GRIN3A: variants seen among roughly 807,000 people sequenced by gnomAD.
GRIN3A encodes glutamate receptor ionotropic, NMDA 3A.
GRIN3A carries 47 observed loss-of-function variants against 92.4 expected under a neutral mutation model. The observed-to-expected ratio is 0.51, with a 90% CI of 0.40 to 0.65. The LOEUF is 0.65. GRIN3A is among the 30% of genes least tolerant of loss of function. GRIN3A has a pLI of 0.00. For synonymous variants in GRIN3A, 527 were observed against 540.6 expected, an observed-to-expected ratio of 0.97 and a Z score of 0.35; for missense variants, 1,324 against 1,393.1, an observed-to-expected ratio of 0.95 and a Z score of 0.79.
chr9:101,629,751 C>G (rs940939576), intron 3 of GRIN3A, among the ~76,000 whole-genome samples: 1 of 152,150 alleles, frequency 6.6e-6, no homozygotes, highest in Non-Finnish European at 1.5e-5. Context: ...GTGCTGAATC[C>G]TCATAATAGC....
intron 1 of GRIN3A, among the ~76,000 whole-genome samples, chr9:101,708,278 G>T (rs987461938): frequency 5.9e-5 from 9 of 152,138 alleles, no homozygotes; most frequent in Non-Finnish European, 1.5e-5. Flanking sequence ...TGATTCTCAG[G>T]AATTTAACAT....
chr9:101,643,680 C>T (rs1435993485), intron 3 of GRIN3A, among the ~76,000 whole-genome samples: 1 of 151,378 alleles, frequency 6.6e-6, no homozygotes, highest in Non-Finnish European at 1.5e-5. Flanking sequence ...CTCTCTCTCT[C>T]TCTCACACAC....
chr9:101,622,995 A>AACACACACACACACACACACAC (rs5899450), intron 5 of GRIN3A, among the ~76,000 whole-genome samples: 113 of 147,534 alleles, frequency 7.7e-4, no homozygotes, highest in African/African-American at 2.7e-3. Flanking sequence ...CCTGCCACTA[A>AACACACACACACACACACACAC]ACACACACAC....
intron 3 of GRIN3A, among the ~76,000 whole-genome samples, chr9:101,651,807 G>A (rs1428386328): frequency 6.6e-6 from 1 of 151,878 alleles, no homozygotes; most frequent in Admixed American, 6.6e-5. Flanking sequence ...AATGGCAATA[G>A]GCTTTATTTT....
chr9:101,654,838 G>T (rs1829063720), intron 3 of GRIN3A, among the ~76,000 whole-genome samples: 1 of 151,876 alleles, frequency 6.6e-6, no homozygotes, highest in African/African-American at 2.4e-5. Flanking sequence ...GGTCATTTAA[G>T]GTCTAATTAT....
At chr9:101,716,709 C>T (rs574615037) in intron 1 of GRIN3A, among the ~76,000 whole-genome samples, 1 of 152,296 alleles carries the variant, frequency 6.6e-6, no homozygotes, top group East Asian at 1.9e-4. Context: ...TGAGGCGTTT[C>T]TGGCTAATAC....
chr9:101,629,282 CACAT>C (rs1208053091), intron 3 of GRIN3A, among the ~76,000 whole-genome samples: 1 of 152,128 alleles, frequency 6.6e-6, no homozygotes, highest in African/African-American at 2.4e-5. Context: ...TACACACACA[CACAT>C]ACGCACATGC....
rs1829546569 is a variant in GRIN3A at position 101,686,959 on chromosome 9, T to C, written c.941A>G (p.Gln314Arg). The change falls in exon 2 of 9, where the codon CAG (glutamine) becomes CGG (arginine). Residue 314 changes from glutamine (Q) to arginine (R), a missense_variant. By Grantham distance (43) the Gln-to-Arg change is conservative. Coordinates refer to ENST00000361820, the MANE Select transcript of GRIN3A (RefSeq NM_133445.3). ...TQDLLSFLQI[Q>R]LESIKNSTPT... Reference sequence around the variant, plus strand: ...TGTGCTGTTCTTAATACTCTCAAGCTGGATCTGTAGGAAGCTCAAGAGGTC... The same window carrying C: ...TGTGCTGTTCTTAATACTCTCAAGCCGGATCTGTAGGAAGCTCAAGAGGTC... 6.8e-6 allele frequency: 11 copies of C among 1,614,054 alleles called. No homozygotes were observed. The highest frequency in any genetic ancestry group is 8.5e-6 in the Non-Finnish European group (10 of 1,180,032).
intron 3 of GRIN3A, among the ~76,000 whole-genome samples, chr9:101,656,677 G>A (rs1829092531): frequency 6.6e-6 from 1 of 151,936 alleles, no homozygotes; most frequent in East Asian, 1.9e-4. Flanking sequence ...AGCTCCTGGA[G>A]TTGCCAGAAC....
chr9:101,736,677 A>T (rs141647783), intron 1 of GRIN3A, among the ~76,000 whole-genome samples: 2,828 of 152,210 alleles, frequency 0.019, 89 homozygotes, highest in African/African-American at 0.065. Flanking sequence ...ATCCGAGACT[A>T]ATTGACCACT....
At chr9:101,716,398 T>C (rs1169460053) in intron 1 of GRIN3A, among the ~76,000 whole-genome samples, 1 of 152,226 alleles carries the variant, frequency 6.6e-6, no homozygotes, top group Non-Finnish European at 1.5e-5. Context: ...CCACTTGATA[T>C]AAGCTATTCT....
intron 1 of GRIN3A, among the ~76,000 whole-genome samples, chr9:101,702,353 G>T (rs1243571171): frequency 1.3e-5 from 2 of 151,994 alleles, no homozygotes; most frequent in Non-Finnish European, 2.9e-5. Context: ...ATCCAATCAG[G>T]CCTTGAAACT....
chr9:101,606,575 G>A (rs1162971600), intron 6 of GRIN3A, among the ~76,000 whole-genome samples: 5 of 152,032 alleles, frequency 3.3e-5, no homozygotes, highest in Non-Finnish European at 7.4e-5. Context: ...TATCTTAACT[G>A]GTTTCCTTAA....
intron 1 of GRIN3A, among the ~76,000 whole-genome samples, chr9:101,695,044 C>T (rs1342138201): frequency 6.6e-6 from 1 of 152,156 alleles, no homozygotes; most frequent in East Asian, 1.9e-4. Context: ...AAACCATTTT[C>T]CTCTTTTGCG....
At chr9:101,581,900 A>C (rs1199661213) in intron 6 of GRIN3A, among the ~76,000 whole-genome samples, 1 of 152,194 alleles carries the variant, frequency 6.6e-6, no homozygotes, top group African/African-American at 2.4e-5. Flanking sequence ...CACTTTATCA[A>C]TGTAGCAACT....
chr9:101,671,332 T>A (rs1829321566), intron 2 of GRIN3A, among the ~76,000 whole-genome samples: 1 of 152,220 alleles, frequency 6.6e-6, no homozygotes, highest in South Asian at 2.1e-4. Context: ...CAGGTTCTAA[T>A]ATTCTAGCCA....
intron 8 of GRIN3A, among the ~76,000 whole-genome samples, chr9:101,575,696 A>G (rs1827816991): frequency 6.6e-6 from 1 of 152,094 alleles, no homozygotes; most frequent in South Asian, 2.1e-4. Flanking sequence ...TTGCTCTTTT[A>G]TTTGTTCAGT....
chr9:101,622,113 C>T (rs912484484), intron 5 of GRIN3A, among the ~76,000 whole-genome samples: 8 of 152,160 alleles, frequency 5.3e-5, no homozygotes, highest in African/African-American at 1.9e-4. Context: ...GGACTGATTT[C>T]TGCTAGGAGA....
rs961057555 is a variant in GRIN3A at position 101,738,218 on chromosome 9, C to A, written c.-239G>T. On this transcript the variant is annotated 5_prime_UTR_variant, in exon 1 of 9. Transcript: ENST00000361820. ...GCATCCTCTGCCCGCCCGGTCACTG[C>A]GCTGAGCAGGCAGGCGGGCGGGCCG... 2.3e-5 allele frequency: 13 copies of A among 566,996 alleles called. No homozygotes were observed. The South Asian group carries it at 2.4e-4, about 11-fold the overall frequency. The allele number at this position is 566,996 out of a possible 1,614,324, so 35.1% of individuals were successfully genotyped here. A position where few individuals can be genotyped will look rare whatever the true frequency, so the allele number is the denominator to read the frequency against.
Sources: gnomAD v4.1 joint callset for allele counts (sites outside exome capture counted in the v4.1 genomes callset) on GRCh38, gnomAD v4.1.1 for gene constraint, MANE v1.5 for transcripts, NCBI Gene and HGNC (gene_info 2026-07-23, HGNC 2026-07-21) for gene names.